Variants in SSX2IP observed in about 807,000 individuals in gnomAD.
SSX2IP encodes the protein afadin- and alpha-actinin-binding protein.
In SSX2IP, 55 loss-of-function variants were observed where a neutral mutation model predicts 84.9. The ratio of observed to expected loss-of-function variants is 0.65; its 90% confidence interval spans 0.52 to 0.81. The LOEUF (loss-of-function observed/expected upper bound fraction) is 0.81, where lower values mean the gene tolerates loss of function less well. SSX2IP is among the 30% of genes least tolerant of loss of function. The pLI is 0.00. For synonymous variants in SSX2IP, 239 were observed against 234.7 expected, an observed-to-expected ratio of 1.02 and a Z score of -0.17; for missense variants, 664 against 705.2, an observed-to-expected ratio of 0.94 and a Z score of 0.66.
rs1653459408 is a variant in SSX2IP at position 84,670,765 on chromosome 1, TTGA to T, written c.91_93del (p.Ser32del). The T allele has an allele frequency of 1.2e-6, 2 of 1,612,948 alleles. No individual in the cohort carries two copies. The highest frequency in any genetic ancestry group is 1.7e-5 in the Admixed American group (1 of 59,954). ...CATAGCACTTGCTGTGAGTATAAAC[TTGA>T]TGGAGACATCTTTGTTTCTGAGGTA... On this transcript the variant is annotated inframe_deletion, in exon 3 of 14. Transcript: ENST00000342203.
chr1:84,684,881 T>C (rs1655572630), intron 1 of SSX2IP, among the ~76,000 whole-genome samples: 1 of 151,860 alleles, frequency 6.6e-6, no homozygotes, highest in Admixed American at 6.6e-5. Flanking sequence ...TTTTAAATTA[T>C]GTGATGCAAT....
intron 8 of SSX2IP, among the ~76,000 whole-genome samples, chr1:84,661,412 G>GTT (rs761623853): frequency 2.9e-4 from 42 of 144,678 alleles, no homozygotes; most frequent in African/African-American, 1.0e-3. Context: ...CTTTCTCCAT[G>GTT]TTTTTTTTTT....
intron 11 of SSX2IP, among the ~76,000 whole-genome samples, chr1:84,654,959 C>A (rs1650861303): frequency 6.6e-6 from 1 of 151,962 alleles, no homozygotes; most frequent in South Asian, 2.1e-4. Context: ...TGAACTGATA[C>A]TGACTGAAGT....
At chr1:84,690,174 A>G (rs1171514014) in intron 1 of SSX2IP, 197 bp downstream of exon 1, 1 of 152,252 alleles carries the variant, frequency 6.6e-6, no homozygotes, top group Admixed American at 6.5e-5. Context: ...CTCCTCCAGG[A>G]GCGGCCCGGG....
At chr1:84,674,943 A>T (rs1280726029) in intron 1 of SSX2IP, among the ~76,000 whole-genome samples, 1 of 152,238 alleles carries the variant, frequency 6.6e-6, no homozygotes, top group Non-Finnish European at 1.5e-5. Flanking sequence ...TACATACCCT[A>T]AACTAAGCAG....
chr1:84,683,837 A>G (rs1183628977), intron 1 of SSX2IP, among the ~76,000 whole-genome samples: 1 of 152,236 alleles, frequency 6.6e-6, no homozygotes, highest in Non-Finnish European at 1.5e-5. Flanking sequence ...AATCAAGAGC[A>G]TGGCAATTTA....
rs1329644423 is a variant in SSX2IP, at chr1:84,646,607, T to C, written c.*826A>G. 6.6e-6 allele frequency: 1 copy of C among 152,596 alleles called. No homozygotes were observed. The highest frequency in any genetic ancestry group is 1.5e-5 in the Non-Finnish European group (1 of 68,006). 9.5% of individuals were successfully genotyped at this position (152,596 alleles called of 1,614,324 possible). A position where few individuals can be genotyped will look rare whatever the true frequency, so the allele number is the denominator to read the frequency against. On this transcript the variant is annotated 3_prime_UTR_variant, in exon 14 of 14. Transcript: ENST00000342203. ...TAAATTGTTTTATTCAAAGGTACTTTTGTCGTCTTGCCCCTATTCTTCTAT... is the reference window on the plus strand; with the variant it reads ...TAAATTGTTTTATTCAAAGGTACTTCTGTCGTCTTGCCCCTATTCTTCTAT...
intron 11 of SSX2IP, chr1:84,655,571 T>C (rs930492509): frequency 7.0e-7 from 1 of 1,419,018 alleles, no homozygotes; most frequent in African/African-American, 1.4e-5. Flanking sequence ...GTAAAACACT[T>C]AGCAGGAGAA....
At chr1:84,671,046 A>G in intron 2 of SSX2IP, 131 bp downstream of exon 2, 1 of 1,159,110 alleles carries the variant, frequency 8.6e-7, no homozygotes. Context: ...AGACATGAAA[A>G]TAAGTATTTT....
At chr1:84,653,076 A>T (rs1055244559) in intron 11 of SSX2IP, among the ~76,000 whole-genome samples, 14 of 152,156 alleles carry the variant, frequency 9.2e-5, no homozygotes, top group African/African-American at 3.1e-4. Context: ...TTCACTTACG[A>T]AAAAATTATG....
At chr1:84,658,175 GTA>G in intron 9 of SSX2IP, 141 bp downstream of exon 9, 1 of 774,126 alleles carries the variant, frequency 1.3e-6, no homozygotes, top group East Asian at 2.8e-5. Context: ...AAAAATAAAT[GTA>G]TGCAAAATCT....
rs1296071139 is a variant in SSX2IP at position 84,671,315 on chromosome 1, AAGC to A, written c.-89-10_-89-8del. The A allele has an allele frequency of 6.5e-7, 1 of 1,549,906 alleles. No homozygotes were observed. The highest frequency in any genetic ancestry group is 2.3e-5 in the East Asian group (1 of 43,360). Reference sequence around the variant, plus strand: ...TCTTCTATGTAGGCATCTCCTTAAAAAGCAGATTATAGAATAATAGCATCTAAT... The same window carrying A: ...TCTTCTATGTAGGCATCTCCTTAAAAAGATTATAGAATAATAGCATCTAAT... On this transcript the variant is annotated splice_region_variant and splice_polypyrimidine_tract_variant and intron_variant, in intron 1 of 13. Transcript: ENST00000342203.
At chr1:84,648,977 C>G (rs936068603) in intron 13 of SSX2IP, among the ~76,000 whole-genome samples, 1 of 152,174 alleles carries the variant, frequency 6.6e-6, no homozygotes, top group African/African-American at 2.4e-5. Context: ...CAGACTCCTA[C>G]AATCTGTTTT....
chr1:84,690,709 C>CCTGCGGTCCGCGCGCGCTGCGGGCGCAG (rs1656508485), upstream of SSX2IP: 1 of 152,056 alleles, frequency 6.6e-6, no homozygotes, highest in Non-Finnish European at 1.5e-5. Context: ...AGACCTTATC[C>CCTGCGGTCCGCGCGCGCTGCGGGCGCAG]CTGCGGTCCG....
intron 1 of SSX2IP, among the ~76,000 whole-genome samples, chr1:84,686,268 C>T (rs1167295399): frequency 6.6e-6 from 1 of 151,984 alleles, no homozygotes; most frequent in African/African-American, 2.4e-5. Context: ...GTAAACTGGG[C>T]AATTAATGGT....
chr1:84,656,225 A>T, intron 10 of SSX2IP, 123 bp downstream of exon 10: 1 of 1,050,500 alleles, frequency 9.5e-7, no homozygotes, highest in African/African-American at 1.6e-5. Context: ...GTTAGCAGGG[A>T]ACACAGACTA....
chr1:84,654,960 T>C (rs1232036112), intron 11 of SSX2IP, among the ~76,000 whole-genome samples: 1 of 152,092 alleles, frequency 6.6e-6, no homozygotes, highest in Non-Finnish European at 1.5e-5. Flanking sequence ...GAACTGATAC[T>C]GACTGAAGTT....
At chr1:84,681,381 A>C (rs10874457) in intron 1 of SSX2IP, among the ~76,000 whole-genome samples, 139,320 of 152,242 alleles carry the variant, frequency 0.92, 64,051 homozygotes, top group South Asian at 0.99. Flanking sequence ...TAAAGCACAT[A>C]TGCATGTATA....
chr1:84,689,813 T>G (rs1656330473), intron 1 of SSX2IP, among the ~76,000 whole-genome samples: 1 of 152,232 alleles, frequency 6.6e-6, no homozygotes. Flanking sequence ...CACACATGCC[T>G]GCCTCTTGGA....
Sources: allele counts gnomAD v4.1 joint callset (sites outside exome capture counted in the v4.1 genomes callset), GRCh38; gene constraint gnomAD v4.1.1; transcripts MANE v1.5; gene names NCBI Gene and HGNC (gene_info 2026-07-23, HGNC 2026-07-21).